Variants in STK33 observed in about 807,000 individuals in gnomAD.
STK33 encodes serine/threonine-protein kinase 33.
Under a neutral mutation model 58.0 loss-of-function variants are expected in STK33, and 52 were observed. That is an observed-to-expected ratio of 0.90 (90% CI 0.72 to 1.13). The LOEUF is 1.13. Among genes scored for constraint, STK33 ranks in the 50% most tolerant of loss-of-function variants. The pLI, the probability that STK33 is intolerant of heterozygous loss-of-function variation, is 0.00. For missense variants in STK33, 630 were observed against 604.2 expected, an observed-to-expected ratio of 1.04 and a Z score of -0.45; for synonymous variants, 215 against 200.1, an observed-to-expected ratio of 1.07 and a Z score of -0.63.
chr11:8,445,040 TTG>T (rs889989996), intron 11 of STK33, among the ~76,000 whole-genome samples: 3 of 152,182 alleles, frequency 2.0e-5, no homozygotes, highest in African/African-American at 7.2e-5. Context: ...TGTTTTCCAT[TTG>T]TGTCCTCTCT....
chr11:8,416,887 C>T (rs947409315), intron 14 of STK33, among the ~76,000 whole-genome samples: 1 of 152,168 alleles, frequency 6.6e-6, no homozygotes, highest in Non-Finnish European at 1.5e-5. Flanking sequence ...CAGGCTTTGC[C>T]TGTTGTCTAA....
At chr11:8,562,674 A>C (rs557624118) in intron 1 of STK33, among the ~76,000 whole-genome samples, 1 of 152,180 alleles carries the variant, frequency 6.6e-6, no homozygotes, top group South Asian at 2.1e-4. Context: ...ATGATAAGGA[A>C]TATGGTTAGT....
chr11:8,534,363 A>T (rs7108379), intron 1 of STK33, among the ~76,000 whole-genome samples: 14,019 of 151,992 alleles, frequency 0.092, 1,537 homozygotes, highest in African/African-American at 0.27. Flanking sequence ...CCACAGCCTA[A>T]CCCACTCTAC....
chr11:8,478,763 T>TA (rs1028596477), intron 2 of STK33, among the ~76,000 whole-genome samples: 38 of 152,034 alleles, frequency 2.5e-4, no homozygotes, highest in African/African-American at 8.7e-4. Flanking sequence ...AAAAAAAACT[T>TA]ACGAATTGTC....
chr11:8,383,351 T>C, the STK33 span, among the ~76,000 whole-genome samples: 4 of 152,164 alleles, frequency 2.6e-5, no homozygotes, highest in African/African-American at 4.8e-5. Flanking sequence ...TGTCAGATGA[T>C]AGGAAGAATT....
At chr11:8,377,527 G>A in the STK33 span, among the ~76,000 whole-genome samples, 20 of 152,250 alleles carry the variant, frequency 1.3e-4, no homozygotes, top group Non-Finnish European at 2.6e-4. Flanking sequence ...ACTGAATGGG[G>A]AAAAGGTGAA....
intron 1 of STK33, among the ~76,000 whole-genome samples, chr11:8,554,318 C>T (rs12789054): frequency 0.13 from 19,875 of 150,214 alleles, 1,700 homozygotes; most frequent in South Asian, 0.28. Flanking sequence ...ACTGGGGAGG[C>T]TGAGGCAGGA....
intron 14 of STK33, among the ~76,000 whole-genome samples, chr11:8,421,545 G>C (rs537819757): frequency 6.6e-6 from 1 of 152,132 alleles, no homozygotes. Context: ...ATCCGGTAGA[G>C]CAAGACATTC....
chr11:8,359,509 C>T, the STK33 span, among the ~76,000 whole-genome samples: 1 of 152,206 alleles, frequency 6.6e-6, no homozygotes, highest in Non-Finnish European at 1.5e-5. Flanking sequence ...AAAACAGAAG[C>T]CCAGACCCCA....
chr11:8,483,292 G>C (rs770228051), intron 1 of STK33, among the ~76,000 whole-genome samples: 11 of 152,092 alleles, frequency 7.2e-5, no homozygotes, highest in Non-Finnish European at 1.5e-4. Context: ...CAGATGAATG[G>C]AAGGAGGTGG....
At chr11:8,508,743 G>A (rs1457216453) in intron 1 of STK33, among the ~76,000 whole-genome samples, 1 of 152,134 alleles carries the variant, frequency 6.6e-6, no homozygotes, top group African/African-American at 2.4e-5. Flanking sequence ...TAACACAATG[G>A]AGAATGGAAA....
At chr11:8,349,862 C>T in the STK33 span, among the ~76,000 whole-genome samples, 1 of 152,250 alleles carries the variant, frequency 6.6e-6, no homozygotes, top group African/African-American at 2.4e-5. Flanking sequence ...CCTTCACCCA[C>T]TCCTTATAGA....
chr11:8,582,682 A>C (rs1163091553), intron 1 of STK33, among the ~76,000 whole-genome samples: 10 of 152,242 alleles, frequency 6.6e-5, no homozygotes, highest in Admixed American at 6.5e-4. Context: ...GGGTGGGGAC[A>C]CAAAGCCTAA....
intron 1 of STK33, among the ~76,000 whole-genome samples, chr11:8,506,506 G>A (rs140888220): frequency 1.3e-5 from 2 of 152,234 alleles, no homozygotes; most frequent in East Asian, 3.9e-4. Context: ...ATTCCTTTCT[G>A]GAGGCTTTAG....
intron 14 of STK33, among the ~76,000 whole-genome samples, chr11:8,420,463 C>T (rs1941753351): frequency 6.6e-6 from 1 of 152,100 alleles, no homozygotes; most frequent in African/African-American, 2.4e-5. Context: ...TTTCGAATTG[C>T]CTGCCAAGAA....
chr11:8,533,137 AAAG>A (rs1273485210), intron 1 of STK33, among the ~76,000 whole-genome samples: 1 of 152,264 alleles, frequency 6.6e-6, no homozygotes, highest in East Asian at 1.9e-4. Context: ...AACATCTTTC[AAAG>A]ATGCTAACTC....
At chr11:8,468,742 T>C (rs533723106) in intron 6 of STK33, among the ~76,000 whole-genome samples, 3 of 152,196 alleles carry the variant, frequency 2.0e-5, no homozygotes, top group Non-Finnish European at 4.4e-5. Flanking sequence ...AACTTAATTA[T>C]AAAATAGTAC....
chr11:8,456,746 G>C (rs372116754), intron 9 of STK33, among the ~76,000 whole-genome samples: 14 of 152,236 alleles, frequency 9.2e-5, no homozygotes, highest in African/African-American at 3.4e-4. Context: ...AAAGTACTGT[G>C]AAACCACTCT....
chr11:8,378,059 G>A, the STK33 span, among the ~76,000 whole-genome samples: 2 of 152,324 alleles, frequency 1.3e-5, no homozygotes, highest in South Asian at 2.1e-4. Flanking sequence ...CTACTATGAA[G>A]AAATACTCAA....
Sources: gnomAD v4.1 joint callset for allele counts (sites outside exome capture counted in the v4.1 genomes callset) on GRCh38, gnomAD v4.1.1 for gene constraint, MANE v1.5 for transcripts, NCBI Gene and HGNC (gene_info 2026-07-23, HGNC 2026-07-21) for gene names.